Variants in ZBTB38 observed in about 807,000 individuals in gnomAD.
ZBTB38 encodes the protein zinc finger and BTB domain containing 38, also known as zinc finger and BTB domain-containing protein 38.
ZBTB38 carries 20 observed loss-of-function variants against 76.8 expected under a neutral mutation model. The observed-to-expected ratio is 0.26, with a 90% CI of 0.18 to 0.38. The LOEUF (loss-of-function observed/expected upper bound fraction) is 0.38. Ranked by LOEUF, ZBTB38 falls within the 10% of genes least tolerant of loss-of-function variation. The probability of loss-of-function intolerance (pLI) is 1.00; values close to 1 mark genes in which losing one functional copy is unlikely to be tolerated. For synonymous variants in ZBTB38, 504 were observed against 544.2 expected (o/e 0.93, Z 1.03); for missense variants, 1,082 against 1,482.3 (o/e 0.73, Z 4.43).
intron 5 of ZBTB38, among the ~76,000 whole-genome samples, chr3:141,414,177 G>C (rs1010812120): frequency 6.6e-6 from 1 of 152,158 alleles, no homozygotes. Context: ...ATCAAATGTG[G>C]GCTTGGTATA....
chr3:141,423,660 G>A (rs931753423), intron 5 of ZBTB38, among the ~76,000 whole-genome samples: 9 of 152,130 alleles, frequency 5.9e-5, no homozygotes, highest in Non-Finnish European at 8.8e-5. Context: ...GACAGTTCCC[G>A]GTAATTTAAT....
At chr3:141,401,904 A>G (rs1952113485) in intron 4 of ZBTB38, among the ~76,000 whole-genome samples, 1 of 152,240 alleles carries the variant, frequency 6.6e-6, no homozygotes, top group African/African-American at 2.4e-5. Context: ...CGGCCATGGA[A>G]AAAACACAGG....
chr3:141,397,388 G>C (rs1577020504), intron 4 of ZBTB38, among the ~76,000 whole-genome samples: 1 of 152,250 alleles, frequency 6.6e-6, no homozygotes, highest in Non-Finnish European at 1.5e-5. Context: ...GTTTGATCCT[G>C]TATCCTGACC....
intron 1 of ZBTB38, among the ~76,000 whole-genome samples, chr3:141,369,598 C>T (rs1163572919): frequency 1.3e-5 from 2 of 152,162 alleles, no homozygotes; most frequent in African/African-American, 4.8e-5. Flanking sequence ...CTGATTTTCC[C>T]GGCTTCTAAG....
intron 5 of ZBTB38, among the ~76,000 whole-genome samples, chr3:141,441,903 G>A (rs1008836340): frequency 3.3e-5 from 5 of 151,202 alleles, no homozygotes; most frequent in African/African-American, 4.9e-5. Context: ...GCAACAGAGC[G>A]AGACTTTGTC....
At position 141,443,310 on chromosome 3, in the gene ZBTB38, A is replaced by G; in HGVS notation, c.922A>G (p.Lys308Glu). The G allele has an allele frequency of 1.9e-6, 3 of 1,614,236 alleles. No homozygotes were observed. The highest frequency in any genetic ancestry group is 2.5e-6 in the Non-Finnish European group (3 of 1,180,040). ...ACCAGCTGCTGTTCTCACTCGTTCA[A>G]AATCTCCAAACAATGAAGGAGATGT... The part of the protein sequence containing the change: ...PQPAAVLTRS[K>E]SPNNEGDVHF... Residue 308 changes from lysine (K) to glutamate (E), a missense_variant, in exon 6 of 6, where the codon AAA (lysine) becomes GAA (glutamate). Physicochemically the swap from Lys to Glu is moderately conservative, Grantham distance 56. Transcript: ENST00000321464. The surrounding 1 kb of genome is among the most constrained non-coding windows in gnomAD (Gnocchi z 5.6).
Position 141,374,952 on chromosome 3 carries a change from TG to T in ZBTB38, c.-235+5008del, listed in dbSNP as rs376824166. On this transcript the variant is annotated intron_variant, in intron 2 of 5. Coordinates refer to ENST00000321464, the MANE Select transcript of ZBTB38 (RefSeq NM_001376113.1). Reference sequence around the variant, plus strand: ...TAAAATGCATGCTGCTAGGCCCCAGTGGTATTGGAAGCTCTGAGGAGGAGCC... The same window carrying T: ...TAAAATGCATGCTGCTAGGCCCCAGTGTATTGGAAGCTCTGAGGAGGAGCC... Among the ~76,000 whole-genome samples the T allele has an allele frequency of 3.0e-3, 456 of 152,318 alleles. 3 individuals are homozygous for T. Among genetic ancestry groups the T allele is most frequent in the African/African-American group, 0.01 (416 of 41,576 alleles).
At position 141,443,173 on chromosome 3, in the gene ZBTB38, C is replaced by T. The variant is rs1379619845; in HGVS notation, c.785C>T (p.Thr262Ile). ...GAAGCCCTTGCAGCGAAACCGAAAA[C>T]ATGCCGGAAGCCAAAGACATTCTCC... ...NCEALAAKPK[T>I]CRKPKTFSIP... The change falls in exon 6 of 6, where the codon ACA becomes ATA. Residue 262 changes from threonine (T) to isoleucine (I), a missense_variant. Thr to Ile is a moderately conservative substitution (Grantham distance 89). Coordinates refer to ENST00000321464, the MANE Select transcript of ZBTB38 (RefSeq NM_001376113.1). The surrounding 1 kb of genome is among the most constrained non-coding windows in gnomAD (Gnocchi z 5.6). The T allele has an allele frequency of 2.5e-6, 4 of 1,614,100 alleles. No individual in the cohort carries two copies. The South Asian group carries it at 4.4e-5, about 18-fold the overall frequency.
chr3:141,332,570 C>T (rs1019888464), intron 1 of ZBTB38, among the ~76,000 whole-genome samples: 3 of 152,144 alleles, frequency 2.0e-5, no homozygotes, highest in African/African-American at 7.2e-5. Flanking sequence ...ATTTCCAGAG[C>T]TTGTCAGGGG....
rs1425853709 is a variant in ZBTB38 at position 141,413,360 on chromosome 3, A to G, written c.-1+9329A>G. 2.0e-5 allele frequency among the ~76,000 whole-genome samples: 3 copies of G among 152,058 alleles called. No homozygotes were observed. Among genetic ancestry groups the G allele is most frequent in the Non-Finnish European group, 2.9e-5 (2 of 67,982 alleles). On this transcript the variant is annotated intron_variant, in intron 5 of 5. Transcript: ENST00000321464. This position sits in a 1 kb window ranked among gnomAD's most constrained non-coding sequence, Gnocchi z 4.1. ...GCTGCACATCCCCCTGATGTCTCTA[A>G]AGCTGAAATCTGCTTCCTGGGTTTA...
intron 4 of ZBTB38, chr3:141,388,103 AT>A (rs199550106): frequency 7.2e-5 from 11 of 151,974 alleles, no homozygotes; most frequent in Non-Finnish European, 1.2e-4. Flanking sequence ...TAAAAGGGAG[AT>A]TTTTTTTAAA....
intron 5 of ZBTB38, among the ~76,000 whole-genome samples, chr3:141,430,640 G>T (rs529899046): frequency 1.9e-4 from 29 of 152,314 alleles, no homozygotes; most frequent in Admixed American, 6.5e-4. Context: ...AGAAACCCAG[G>T]GTGCAGAGGG....
chr3:141,389,047 T>G (rs1307997192), intron 4 of ZBTB38: 1 of 152,212 alleles, frequency 6.6e-6, no homozygotes, highest in Non-Finnish European at 1.5e-5. Context: ...GTAACCTCAG[T>G]GCTGTCGGTA....
At chr3:141,336,002 G>T (rs146223583) in intron 1 of ZBTB38, among the ~76,000 whole-genome samples, 8 of 152,222 alleles carry the variant, frequency 5.3e-5, no homozygotes, top group African/African-American at 1.9e-4. Context: ...TTTTCATTTT[G>T]CCTGTCATCA....
At chr3:141,337,439 G>A (rs1943047270) in intron 1 of ZBTB38, among the ~76,000 whole-genome samples, 1 of 152,212 alleles carries the variant, frequency 6.6e-6, no homozygotes, top group Admixed American at 6.5e-5. Context: ...GACAAAAGCT[G>A]AGGTCATTTT....
chr3:141,434,347 T>C (rs2078269105), intron 5 of ZBTB38: 1 of 308,156 alleles, frequency 3.2e-6, no homozygotes, highest in South Asian at 1.3e-4. Flanking sequence ...TCCAAAGTTA[T>C]AAGAAAAGGG....
chr3:141,369,007 A>AC (rs1188386521), intron 1 of ZBTB38, among the ~76,000 whole-genome samples: 6 of 151,702 alleles, frequency 4.0e-5, no homozygotes, highest in African/African-American at 1.5e-4. Flanking sequence ...AAAAAAAAAA[A>AC]AAAAAACAAT....
At chr3:141,420,182 C>T (rs2075043457) in intron 5 of ZBTB38, among the ~76,000 whole-genome samples, 1 of 151,822 alleles carries the variant, frequency 6.6e-6, no homozygotes, top group South Asian at 2.1e-4. Context: ...GGGTGGGGCA[C>T]GAGGATGCTG....
At chr3:141,359,324 A>C (rs79720257) in intron 1 of ZBTB38, among the ~76,000 whole-genome samples, 2,378 of 152,328 alleles carry the variant, frequency 0.016, 83 homozygotes, top group African/African-American at 0.054. Context: ...ACTTTTTCCC[A>C]GTGCTCTACC....
Sources: allele counts gnomAD v4.1 joint callset (sites outside exome capture counted in the v4.1 genomes callset), GRCh38; gene constraint gnomAD v4.1.1; non-coding constraint Gnocchi (gnomAD v3.1); transcripts MANE v1.5; gene names NCBI Gene and HGNC (gene_info 2026-07-23, HGNC 2026-07-21).